Variants in MPP3 observed in about 807,000 individuals in gnomAD.
MPP3 encodes MAGUK p55 subfamily member 3.
MPP3 carries 48 observed loss-of-function variants against 80.7 expected under a neutral mutation model. That is an observed-to-expected ratio of 0.59 (90% CI 0.47 to 0.76). The LOEUF is 0.76. MPP3 is among the 30% of genes least tolerant of loss of function. The probability of loss-of-function intolerance (pLI) is 0.00; values close to 1 mark genes in which losing one functional copy is unlikely to be tolerated. For synonymous variants in MPP3, 311 were observed against 297.6 expected (o/e 1.04, Z -0.46); for missense variants, 620 against 763.0 (o/e 0.81, Z 2.21).
chr17:43,829,284 A>G (rs934623515), intron 7 of MPP3, among the ~76,000 whole-genome samples: 1 of 152,228 alleles, frequency 6.6e-6, no homozygotes, highest in African/African-American at 2.4e-5. Flanking sequence ...AGGCAGCCAC[A>G]GCCAATCTGT....
chr17:43,830,240 A>T, intron 5 of MPP3, 133 bp from the exon 6 acceptor site: 1 of 538,838 alleles, frequency 1.9e-6, no homozygotes, highest in Non-Finnish European at 3.1e-6. Context: ...CCACCCGACG[A>T]CGATGATCCT....
In MPP3 at chr17:43,801,790, C is replaced by T. The variant is rs766187856; in HGVS notation, c.1669G>A (p.Asp557Asn). ...HLVDAVLVKE[D>N]LQGAYSQLKV... ...AGCTGGCTGTAGGCACCCTGGAGAT[C>T]CTCCTTCACCAGCACGGCGTCTACC... Residue 557 changes from aspartate to asparagine, a missense_variant, in exon 20 of 20, where the codon GAT becomes AAT. Transcript: ENST00000398389. 2 of 1,614,046 alleles carry T rather than the reference C, an allele frequency of 1.2e-6. No individual in the cohort carries two copies. The highest frequency in any genetic ancestry group is 1.7e-5 in the Admixed American group (1 of 60,002).
chr17:43,823,843 T>A (rs2045572639), intron 10 of MPP3, 88 bp downstream of exon 10: 4 of 911,054 alleles, frequency 4.4e-6, no homozygotes, highest in Non-Finnish European at 5.3e-6. Context: ...AAATGACTGT[T>A]ACAAGAGACT....
At position 43,800,814 on chromosome 17, in the gene MPP3, G is replaced by T. The variant is rs2044386475; in HGVS notation, c.*887C>A. 1 of 152,118 alleles carries T rather than the reference G, an allele frequency of 6.6e-6. No individual in the cohort carries two copies. Among genetic ancestry groups the T allele is most frequent in the Admixed American group, 6.5e-5 (1 of 15,280 alleles). The allele number at this position is 152,118 out of a possible 1,614,324, so 9.4% of individuals were successfully genotyped here. A position where few individuals can be genotyped will look rare whatever the true frequency, so the allele number is the denominator to read the frequency against. ...AGACAACCCATTAGGCCCACACTCT[G>T]GGTCTACATACTTTTATTCTTGACA... On this transcript the variant is annotated 3_prime_UTR_variant, in exon 20 of 20. Transcript: ENST00000398389.
intron 19 of MPP3, among the ~76,000 whole-genome samples, chr17:43,804,123 CTT>C (rs1257869544): frequency 2.0e-5 from 3 of 152,110 alleles, no homozygotes; most frequent in Non-Finnish European, 4.4e-5. Flanking sequence ...CTTCTTGACT[CTT>C]TGAAAAATGA....
chr17:43,805,007 A>C (rs551204965), intron 19 of MPP3, among the ~76,000 whole-genome samples: 1 of 152,330 alleles, frequency 6.6e-6, no homozygotes, highest in Non-Finnish European at 1.5e-5. Context: ...AACAAGAACG[A>C]AACTCTGTCT....
intron 11 of MPP3, among the ~76,000 whole-genome samples, chr17:43,820,603 A>ATACACACACACAC (rs1264169757): frequency 1.4e-4 from 18 of 127,606 alleles, no homozygotes; most frequent in African/African-American, 6.6e-4. Flanking sequence ...AAAAAAAAAA[A>ATACACACACACAC]ATACACACAC....
Position 43,818,125 on chromosome 17 carries a change from G to C in MPP3, c.882-15C>G. 1 of 1,510,688 alleles carries C rather than the reference G, an allele frequency of 6.6e-7. No individual in the cohort carries two copies. The highest frequency in any genetic ancestry group is 2.5e-5 in the East Asian group (1 of 39,532). 93.6% of individuals were successfully genotyped at this position (1,510,688 alleles called of 1,614,324 possible). ...AGCTTAGTCGTCTGCAGGGACACAA[G>C]GGGATGGGCGGGCCCGTGAGCTGGG... On this transcript the variant is annotated splice_polypyrimidine_tract_variant and intron_variant, in intron 11 of 19. Transcript: ENST00000398389.
intron 19 of MPP3, among the ~76,000 whole-genome samples, chr17:43,807,567 G>A (rs1008750888): frequency 5.3e-5 from 8 of 152,084 alleles, no homozygotes. Context: ...CAATCTGCCC[G>A]CCTCAGCCTC....
rs762214893 is a variant in MPP3, at chr17:43,831,546, C to G, written c.144+13G>C. The G allele has an allele frequency of 4.4e-6, 7 of 1,582,562 alleles. No individual in the cohort carries two copies. In the East Asian group the frequency reaches 1.3e-4, roughly 30 times the overall value. ...CTAGACACCCTTCCACGCAGGATGA[C>G]GTGGGACTTCACCTTCATTAAGTAA... is the stretch of plus-strand genomic sequence containing the variant. On this transcript the variant is annotated intron_variant, in intron 4 of 19. Coordinates refer to ENST00000398389, the MANE Select transcript of MPP3 (RefSeq NM_001932.6).
intron 10 of MPP3, among the ~76,000 whole-genome samples, chr17:43,821,451 C>A (rs141187599): frequency 1.6e-4 from 25 of 152,218 alleles, no homozygotes; most frequent in Admixed American, 1.6e-3. Context: ...ACGCCAACTG[C>A]GCTGACGGAA....
At position 43,831,538 on chromosome 17, in the gene MPP3, C is replaced by T. The variant is rs745490649; in HGVS notation, c.144+21G>A. 2.6e-6 allele frequency: 4 copies of T among 1,551,370 alleles called. No homozygotes were observed. The African/African-American group carries it at 5.4e-5, about 21-fold the overall frequency. On this transcript the variant is annotated intron_variant, in intron 4 of 19. Coordinates refer to ENST00000398389, the MANE Select transcript of MPP3 (RefSeq NM_001932.6). Reference sequence around the variant, plus strand: ...AAAGACCTCTAGACACCCTTCCACGCAGGATGACGTGGGACTTCACCTTCA... The same window carrying T: ...AAAGACCTCTAGACACCCTTCCACGTAGGATGACGTGGGACTTCACCTTCA...
At chr17:43,810,039 C>T (rs904326514) in intron 18 of MPP3, among the ~76,000 whole-genome samples, 4 of 152,136 alleles carry the variant, frequency 2.6e-5, no homozygotes, top group African/African-American at 9.7e-5. Context: ...TTTTGAAACT[C>T]AGACTTTTAA....
intron 14 of MPP3, chr17:43,815,803 T>C (rs954057633): frequency 4.4e-5 from 30 of 678,498 alleles, no homozygotes; most frequent in Non-Finnish European, 7.2e-5. Flanking sequence ...TGTGTGTGCC[T>C]TTCCCGCCAG....
chr17:43,806,285 C>G (rs1401696669), intron 19 of MPP3, among the ~76,000 whole-genome samples: 1 of 152,168 alleles, frequency 6.6e-6, no homozygotes, highest in African/African-American at 2.4e-5. Flanking sequence ...CCTGCCTCAG[C>G]CTCCCGAGTA....
intron 12 of MPP3, 103 bp from the exon 13 acceptor site, chr17:43,816,800 C>G: frequency 9.2e-7 from 1 of 1,088,080 alleles, no homozygotes. Flanking sequence ...AGCCCGCCAT[C>G]TGGCCTCTTT....
rs78356535 is a variant in MPP3 at position 43,825,255 on chromosome 17, G to A, written c.609+501C>T. ...ACTTCAACTCCCCAGAATGGACCAT[G>A]GAGGTTTTCAGCCAAGCATTTTATA... On this transcript the variant is annotated intron_variant, in intron 9 of 19. Coordinates refer to ENST00000398389, the MANE Select transcript of MPP3 (RefSeq NM_001932.6). 5.5e-3 allele frequency: 846 copies of A among 152,974 alleles called. 4 individuals are homozygous for A. The highest frequency in any genetic ancestry group is 9.3e-3 in the Non-Finnish European group (639 of 68,476). 9.5% of individuals were successfully genotyped at this position (152,974 alleles called of 1,614,324 possible).
chr17:43,810,096 T>C (rs1241844916), intron 18 of MPP3, among the ~76,000 whole-genome samples: 1 of 152,232 alleles, frequency 6.6e-6, no homozygotes, highest in African/African-American at 2.4e-5. Flanking sequence ...TTTTCCTTTA[T>C]AGGCATAACG....
intron 11 of MPP3, among the ~76,000 whole-genome samples, chr17:43,820,215 G>A (rs2045363612): frequency 6.6e-6 from 1 of 151,990 alleles, no homozygotes; most frequent in Non-Finnish European, 1.5e-5. Context: ...AAAGTGCTGG[G>A]ATTACAGGCG....
Sources: allele counts gnomAD v4.1 joint callset (sites outside exome capture counted in the v4.1 genomes callset), GRCh38; gene constraint gnomAD v4.1.1; transcripts MANE v1.5; gene names NCBI Gene and HGNC (gene_info 2026-07-23, HGNC 2026-07-21).